USP13: variants seen among roughly 807,000 people sequenced by gnomAD.
The protein encoded by USP13 is ubiquitin carboxyl-terminal hydrolase 13.
Under a neutral mutation model 107.8 loss-of-function variants are expected in USP13, and 68 were observed. The observed-to-expected ratio is 0.63, with a 90% CI of 0.52 to 0.77. The LOEUF (loss-of-function observed/expected upper bound fraction) is 0.77, where lower values mean the gene tolerates loss of function less well. Ranked by LOEUF, USP13 falls within the 30% of genes least tolerant of loss-of-function variation. The pLI is 0.00. For synonymous variants in USP13, 377 were observed against 389.5 expected, an observed-to-expected ratio of 0.97 and a Z score of 0.38; for missense variants, 945 against 1,093.3, an observed-to-expected ratio of 0.86 and a Z score of 1.91.
intron 6 of USP13, among the ~76,000 whole-genome samples, chr3:179,710,983 TGAGTGAGTGGG>T (rs1477699110): frequency 6.6e-6 from 1 of 152,170 alleles, no homozygotes; most frequent in Non-Finnish European, 1.5e-5. Context: ...GGTGAGTCAG[TGAGTGAGTGGG>T]GAGTGAGTGT....
rs932015338 is a variant in USP13 at position 179,740,299 on chromosome 3, G to A, written c.1307G>A (p.Ser436Asn). The change falls in exon 11 of 21, where the codon AGC becomes AAC. Residue 436 changes from serine to asparagine, a missense_variant. Transcript: ENST00000263966. ...PRMFKAFVSK[S>N]HPEFSSNRQQ... is the part of the protein sequence containing the mutation. ...ATGTTTAAGGCCTTTGTAAGCAAGA[G>A]CCACCCGGAATTCTCCTCTAACAGG... is the stretch of plus-strand genomic sequence containing the variant. The A allele has an allele frequency of 1.9e-6, 3 of 1,614,008 alleles. No individual in the cohort carries two copies. Among genetic ancestry groups the A allele is most frequent in the Non-Finnish European group, 2.5e-6 (3 of 1,180,026 alleles).
chr3:179,668,160 A>T (rs1560041867), intron 1 of USP13, among the ~76,000 whole-genome samples: 1 of 152,082 alleles, frequency 6.6e-6, no homozygotes, highest in South Asian at 2.1e-4. Context: ...ACATTTCAAC[A>T]TTTATTTATT....
At chr3:179,688,144 TCC>T (rs1229349929) in intron 2 of USP13, among the ~76,000 whole-genome samples, 5 of 148,376 alleles carry the variant, frequency 3.4e-5, no homozygotes, top group Non-Finnish European at 6.1e-5. Context: ...TATCCATCCA[TCC>T]ATCCGTATAT....
At chr3:179,659,258 G>A (rs1179818899) in intron 1 of USP13, among the ~76,000 whole-genome samples, 2 of 152,084 alleles carry the variant, frequency 1.3e-5, no homozygotes, top group African/African-American at 2.4e-5. Context: ...TTCATGTTAG[G>A]GGCTCAGTGA....
chr3:179,717,536 G>C (rs2108490912), intron 6 of USP13, among the ~76,000 whole-genome samples: 1 of 152,330 alleles, frequency 6.6e-6, no homozygotes, highest in Non-Finnish European at 1.5e-5. Context: ...CTAGGCCAAT[G>C]CCAGTGGTTC....
chr3:179,730,287 T>C (rs760925187), intron 9 of USP13, 27 bp downstream of exon 9: 2 of 1,601,302 alleles, frequency 1.2e-6, no homozygotes, highest in African/African-American at 2.7e-5. Flanking sequence ...TATTTTTTTT[T>C]TTCTAGAAAA....
Position 179,764,000 on chromosome 3 carries a change from A to T in USP13, c.2093-2A>T, listed in dbSNP as rs1186670627. On this transcript the variant is annotated splice_acceptor_variant, in intron 17 of 20. Transcript: ENST00000263966. LOFTEE classifies it high-confidence loss of function. The stretch of plus-strand genomic sequence containing the variant: ...AGACTTGGGTGTGGTTATTTTTCTC[A>T]GATTTTGCTGAGCCGCTGACCATGC... 1 of 1,589,610 alleles carries T rather than the reference A, an allele frequency of 6.3e-7. No individual in the cohort carries two copies. Among genetic ancestry groups the T allele is most frequent in the African/African-American group, 1.4e-5 (1 of 72,656 alleles).
At chr3:179,728,120 G>A (rs1312397378) in intron 8 of USP13, among the ~76,000 whole-genome samples, 19 of 112,678 alleles carry the variant, frequency 1.7e-4, no homozygotes, top group Non-Finnish European at 3.2e-4. Context: ...CCGGGCAGAG[G>A]GGCTCCTCAC....
chr3:179,721,389 G>T lies in USP13; in HGVS notation c.901-13G>T. The T allele has an allele frequency of 6.2e-7, 1 of 1,605,594 alleles. No individual in the cohort carries two copies. The highest frequency in any genetic ancestry group is 1.1e-5 in the South Asian group (1 of 90,202). On this transcript the variant is annotated splice_polypyrimidine_tract_variant and intron_variant, in intron 7 of 20. Coordinates refer to ENST00000263966, the MANE Select transcript of USP13 (RefSeq NM_003940.3). The surrounding 1 kb of genome is among the most constrained non-coding windows in gnomAD (Gnocchi z 4.3). ...ACATTTAAAGTTGTTTTTCTTCGAT[G>T]ACTTTGTCTCAGACAGAGAATGGGC...
At chr3:179,762,309 G>A (rs1715037617) in intron 17 of USP13, among the ~76,000 whole-genome samples, 1 of 152,208 alleles carries the variant, frequency 6.6e-6, no homozygotes, top group African/African-American at 2.4e-5. Context: ...GGTCGGGTTT[G>A]GTGGCTTACG....
Position 179,784,800 on chromosome 3 carries a change from T to C in USP13, c.*659T>C, listed in dbSNP as rs1038629416. 6.6e-6 allele frequency: 1 copy of C among 152,158 alleles called. No individual in the cohort carries two copies. Among genetic ancestry groups the C allele is most frequent in the African/African-American group, 2.4e-5 (1 of 41,440 alleles). 9.4% of individuals were successfully genotyped at this position (152,158 alleles called of 1,614,324 possible). A position where few individuals can be genotyped will look rare whatever the true frequency, so the allele number is the denominator to read the frequency against. On this transcript the variant is annotated 3_prime_UTR_variant, in exon 21 of 21. Transcript: ENST00000263966. ...CTAGAAAAGTGAGTCCACTAGAAAA[T>C]CTGTGACAAGTTGGTTTTTAAAGTC...
At chr3:179,675,701 C>A (rs1720874568) in intron 1 of USP13, among the ~76,000 whole-genome samples, 1 of 151,986 alleles carries the variant, frequency 6.6e-6, no homozygotes, top group South Asian at 2.1e-4. Context: ...GCGTGTTCCG[C>A]CACGCCTGGC....
At chr3:179,703,680 A>G (rs1218819905) in intron 4 of USP13, among the ~76,000 whole-genome samples, 2 of 152,158 alleles carry the variant, frequency 1.3e-5, no homozygotes, top group African/African-American at 4.8e-5. Context: ...TATCAATATG[A>G]CGTCACTGAA....
In USP13 at chr3:179,736,286, GAT is replaced by G. The variant is rs202177410; in HGVS notation, c.1255-3960_1255-3959del. Among the ~76,000 whole-genome samples the G allele has an allele frequency of 8.9e-3, 1,360 of 152,322 alleles. 10 individuals carry two copies. The highest frequency in any genetic ancestry group is 0.014 in the Non-Finnish European group (959 of 68,034). ...ACTTGTGTTTGGTATAAGGTCGCTAGATCTGGAGGCTTCATGAGATTCAGGCT... is the reference window on the plus strand; with the variant it reads ...ACTTGTGTTTGGTATAAGGTCGCTAGCTGGAGGCTTCATGAGATTCAGGCT... On this transcript the variant is annotated intron_variant, in intron 10 of 20. Transcript: ENST00000263966.
At chr3:179,738,086 A>C (rs1165595689) in intron 10 of USP13, among the ~76,000 whole-genome samples, 1 of 152,140 alleles carries the variant, frequency 6.6e-6, no homozygotes. Context: ...TCGTCCCCAG[A>C]CTATAGGCAT....
chr3:179,761,291 G>A, intron 17 of USP13, 36 bp downstream of exon 17: 1 of 1,612,290 alleles, frequency 6.2e-7, no homozygotes, highest in Non-Finnish European at 8.5e-7. Context: ...TTTGGAGTCT[G>A]ATGTGACCCT....
chr3:179,751,397 G>A (rs1446718236), intron 13 of USP13, among the ~76,000 whole-genome samples: 1 of 152,188 alleles, frequency 6.6e-6, no homozygotes, highest in Non-Finnish European at 1.5e-5. Context: ...CATGGATTAA[G>A]TACCGCAGTA....
intron 14 of USP13, 66 bp downstream of exon 14, chr3:179,752,439 A>C (rs1331927507): frequency 8.1e-7 from 1 of 1,227,688 alleles, no homozygotes; most frequent in Admixed American, 1.7e-5. Context: ...ATGGCATGTG[A>C]AAGAGCCCAT....
chr3:179,703,340 T>C (rs983135637), intron 4 of USP13, among the ~76,000 whole-genome samples: 4 of 152,232 alleles, frequency 2.6e-5, no homozygotes, highest in Non-Finnish European at 5.9e-5. Context: ...GCAAAAATTA[T>C]TGAGCTCAAA....
Sources: gnomAD v4.1 joint callset for allele counts (sites outside exome capture counted in the v4.1 genomes callset) on GRCh38, gnomAD v4.1.1 for gene constraint, Gnocchi (gnomAD v3.1) non-coding constraint, MANE v1.5 for transcripts, NCBI Gene and HGNC (gene_info 2026-07-23, HGNC 2026-07-21) for gene names.